Variants in SYNPO2 observed in about 807,000 individuals in gnomAD.
SYNPO2 encodes the protein synaptopodin-2.
A neutral mutation model predicts 85.0 loss-of-function variants in SYNPO2; 56 were observed. The observed-to-expected ratio is 0.66, with a 90% CI of 0.53 to 0.82. SYNPO2 has a LOEUF of 0.82. Ranked by LOEUF, SYNPO2 falls within the 40% of genes least tolerant of loss-of-function variation. SYNPO2 has a pLI of 0.00. For missense variants in SYNPO2, 1,575 were observed against 1,534.2 expected (o/e 1.03, Z -0.44); for synonymous variants, 602 against 591.1 (o/e 1.02, Z -0.27).
At chr4:118,932,860 A>G (rs1249779361) in intron 1 of SYNPO2, among the ~76,000 whole-genome samples, 5 of 152,184 alleles carry the variant, frequency 3.3e-5, no homozygotes, top group Admixed American at 2.6e-4. Flanking sequence ...GGTCCCTACA[A>G]CAAAATTTCT....
intron 3 of SYNPO2, 120 bp downstream of exon 3, chr4:119,027,558 TTTAA>T: frequency 1.0e-6 from 1 of 972,244 alleles, no homozygotes; most frequent in South Asian, 2.2e-5. Context: ...TAAAGAAATA[TTTAA>T]TTAATGCACA....
chr4:118,914,639 A>T (rs1404051842), intron 1 of SYNPO2, among the ~76,000 whole-genome samples: 2 of 152,152 alleles, frequency 1.3e-5, no homozygotes, highest in African/African-American at 4.8e-5. Flanking sequence ...TGGAAGCCAC[A>T]TAATAGTTGG....
rs536766822 is a variant in SYNPO2 at position 118,919,017 on chromosome 4, T to C, written c.105+29876T>C. Among the ~76,000 whole-genome samples the C allele has an allele frequency of 5.3e-5, 8 of 152,340 alleles. 1 individual carries two copies. The highest frequency in any genetic ancestry group is 6.8e-3 in the Middle Eastern group (2 of 294). The stretch of plus-strand genomic sequence containing the variant: ...AACTAAATATACATTTTAAAAATTC[T>C]ATGGCAGCACCAGCAGAAATGTTTT... On this transcript the variant is annotated intron_variant, in intron 1 of 4. Coordinates refer to ENST00000307142, the MANE Select transcript of SYNPO2 (RefSeq NM_133477.3).
intron 1 of SYNPO2, among the ~76,000 whole-genome samples, chr4:118,991,927 G>A (rs996744091): frequency 4.6e-5 from 7 of 152,178 alleles, no homozygotes; most frequent in African/African-American, 1.4e-4. Flanking sequence ...GGAGAGGATA[G>A]TGCTTAATGG....
intron 1 of SYNPO2, among the ~76,000 whole-genome samples, chr4:118,942,065 T>C (rs1387034950): frequency 1.3e-5 from 2 of 152,210 alleles, no homozygotes; most frequent in Non-Finnish European, 2.9e-5. Context: ...GACTCACTAA[T>C]GCTTGGTTTA....
intron 1 of SYNPO2, among the ~76,000 whole-genome samples, chr4:118,991,443 C>T (rs948887501): frequency 4.6e-5 from 7 of 152,124 alleles, no homozygotes; most frequent in Non-Finnish European, 7.4e-5. Context: ...CCACCGCACC[C>T]GGCCTGTTTT....
chr4:118,862,564 T>G (rs930321504), intron 1 of SYNPO2, among the ~76,000 whole-genome samples: 1 of 152,216 alleles, frequency 6.6e-6, no homozygotes, highest in Non-Finnish European at 1.5e-5. Context: ...AAATGCTTTT[T>G]CAGCATCAAT....
intron 1 of SYNPO2, among the ~76,000 whole-genome samples, chr4:118,964,297 AACACACAC>A (rs10523074): frequency 0.023 from 3,173 of 140,676 alleles, 47 homozygotes; most frequent in East Asian, 0.042. Flanking sequence ...AAACACACAC[AACACACAC>A]ACACACACAC....
intron 1 of SYNPO2, among the ~76,000 whole-genome samples, chr4:118,872,626 C>A (rs1731823762): frequency 6.6e-6 from 1 of 152,114 alleles, no homozygotes; most frequent in Admixed American, 6.5e-5. Context: ...AAAGACCAGG[C>A]ATTACTCCTC....
At chr4:118,983,581 G>T (rs1736110261) in intron 1 of SYNPO2, among the ~76,000 whole-genome samples, 1 of 152,100 alleles carries the variant, frequency 6.6e-6, no homozygotes, top group Non-Finnish European at 1.5e-5. Flanking sequence ...TTCTTCATCA[G>T]AATTCAATAA....
chr4:118,852,111 G>T lies in SYNPO2; in HGVS notation c.12+1171G>T, dbSNP rs76399145. ...GTCACTTAGAAAATATTGATTTGCC[G>T]TATAAAAAAAGCTCAATATCACGGA... On this transcript the variant is annotated intron_variant, in intron 1 of 4. Transcript: ENST00000610556. Among the ~76,000 whole-genome samples the T allele has an allele frequency of 7.3e-3, 1,116 of 152,130 alleles. 10 individuals carry two copies. Among genetic ancestry groups the T allele is most frequent in the African/African-American group, 0.025 (1,058 of 41,502 alleles).
chr4:119,010,136 CTGAG>C (rs1560976052), intron 1 of SYNPO2, among the ~76,000 whole-genome samples: 1 of 152,184 alleles, frequency 6.6e-6, no homozygotes, highest in Non-Finnish European at 1.5e-5. Flanking sequence ...TAAGCATTGA[CTGAG>C]TGTTTACTAT....
chr4:119,051,339 G>A (rs1048621289), intron 4 of SYNPO2, among the ~76,000 whole-genome samples: 16 of 148,862 alleles, frequency 1.1e-4, no homozygotes, highest in African/African-American at 2.5e-4. Context: ...ACAAGCGCCC[G>A]CCACTACGCC....
Position 118,970,031 on chromosome 4 carries a change from T to C in SYNPO2, c.106-53399T>C, listed in dbSNP as rs373288073. ...CAGCATTAGGTAAAATTTCTGTTCA[T>C]TGTCTAGGACTTCTGTTTAATAATG... On this transcript the variant is annotated intron_variant, in intron 1 of 4. Coordinates refer to ENST00000307142, the MANE Select transcript of SYNPO2 (RefSeq NM_133477.3). Among the ~76,000 whole-genome samples, 9 of 152,318 alleles carry C rather than the reference T, an allele frequency of 5.9e-5. No homozygotes were observed. In the South Asian group the frequency reaches 1.9e-3, roughly 32 times the overall value.
rs70944828 is a variant in SYNPO2, at chr4:119,058,464, CTTTTTTTTT to C, written c.*548_*556del. 48 of 109,350 alleles carry C rather than the reference CTTTTTTTTT, an allele frequency of 4.4e-4. No homozygotes were observed. The highest frequency in any genetic ancestry group is 6.5e-4 in the East Asian group (2 of 3,058). The allele number at this position is 109,350 out of a possible 1,614,324, so 6.8% of individuals were successfully genotyped here. A position where few individuals can be genotyped will look rare whatever the true frequency, so the allele number is the denominator to read the frequency against. ...CTTGGTGTTAAGTATTTCTCTGCAACTTTTTTTTTTTTTTTTTTTTTTTTTTGAGATGGA... is the reference window on the plus strand; with the variant it reads ...CTTGGTGTTAAGTATTTCTCTGCAACTTTTTTTTTTTTTTTTTGAGATGGA... On this transcript the variant is annotated 3_prime_UTR_variant, in exon 5 of 5. Transcript: ENST00000307142.
chr4:118,871,196 G>T (rs1161364163), intron 1 of SYNPO2, among the ~76,000 whole-genome samples: 1 of 152,112 alleles, frequency 6.6e-6, no homozygotes, highest in Non-Finnish European at 1.5e-5. Context: ...ATGACAGATA[G>T]CTTTCCTTGG....
chr4:119,049,392 A>G (rs1440807126), intron 4 of SYNPO2, among the ~76,000 whole-genome samples: 1 of 152,132 alleles, frequency 6.6e-6, no homozygotes, highest in African/African-American at 2.4e-5. Flanking sequence ...TGTGTTTAAG[A>G]GAGAAAAGAG....
intron 1 of SYNPO2, among the ~76,000 whole-genome samples, chr4:118,853,910 G>A (rs1293103959): frequency 6.6e-6 from 1 of 152,210 alleles, no homozygotes; most frequent in Admixed American, 6.5e-5. Flanking sequence ...TTTGTACAGA[G>A]AGTGGTCTGA....
intron 1 of SYNPO2, among the ~76,000 whole-genome samples, chr4:118,913,236 T>C (rs1733199722): frequency 6.6e-6 from 1 of 152,118 alleles, no homozygotes; most frequent in East Asian, 1.9e-4. Context: ...GAAATACAAA[T>C]CATGAAAAAA....
Sources: gnomAD v4.1 joint callset for allele counts (sites outside exome capture counted in the v4.1 genomes callset) on GRCh38, gnomAD v4.1.1 for gene constraint, MANE v1.5 for transcripts, NCBI Gene and HGNC (gene_info 2026-07-23, HGNC 2026-07-21) for gene names.